Variants in RASA1 observed in about 807,000 individuals in gnomAD.
The protein encoded by RASA1 is RAS p21 protein activator 1.
Under a neutral mutation model 132.2 loss-of-function variants are expected in RASA1, and 25 were observed. The ratio of observed to expected loss-of-function variants is 0.19; its 90% CI spans 0.14 to 0.26. The LOEUF (loss-of-function observed/expected upper bound fraction) is 0.26, where lower values mean the gene tolerates loss of function less well. Among genes scored for constraint, RASA1 ranks in the 10% least tolerant of loss-of-function variants. RASA1 has a pLI of 1.00. For missense variants in RASA1, 964 were observed against 1,299.2 expected (o/e 0.74, Z 3.97); for synonymous variants, 477 against 449.9 (o/e 1.06, Z -0.76).
intron 8 of RASA1, among the ~76,000 whole-genome samples, chr5:87,351,559 G>C (rs1009097773): frequency 6.6e-6 from 1 of 151,684 alleles, no homozygotes; most frequent in Non-Finnish European, 1.5e-5. Flanking sequence ...AGTGTCTCTA[G>C]AAACTCACGT....
intron 6 of RASA1, among the ~76,000 whole-genome samples, chr5:87,341,756 G>A (rs181617144): frequency 6.6e-6 from 1 of 151,862 alleles, no homozygotes; most frequent in Admixed American, 6.6e-5. Flanking sequence ...CTGATTTTAT[G>A]TATATGTAAG....
chr5:87,376,758 A>C, intron 16 of RASA1, 123 bp from the exon 17 acceptor site: 1 of 1,222,520 alleles, frequency 8.2e-7, no homozygotes, highest in Non-Finnish European at 1.2e-6. Context: ...TTTTAAATAA[A>C]TTTATTCAAT....
intron 1 of RASA1, among the ~76,000 whole-genome samples, chr5:87,275,752 A>G (rs766966619): frequency 6.6e-5 from 10 of 151,856 alleles, no homozygotes; most frequent in Non-Finnish European, 1.3e-4. Flanking sequence ...TGTATTTTTC[A>G]TGGAGATGGG....
intron 18 of RASA1, 59 bp downstream of exon 18, chr5:87,378,597 A>G: frequency 6.8e-7 from 1 of 1,480,768 alleles, no homozygotes; most frequent in East Asian, 2.4e-5. Context: ...ATAGGTAATA[A>G]TTTGTAGCCA....
chr5:87,287,587 A>T (rs571534383), intron 1 of RASA1, among the ~76,000 whole-genome samples: 1 of 146,340 alleles, frequency 6.8e-6, no homozygotes, highest in East Asian at 1.9e-4. Context: ...CCATATATAT[A>T]CACCATACAT....
chr5:87,320,204 C>A (rs984484524), intron 1 of RASA1, among the ~76,000 whole-genome samples: 1 of 152,158 alleles, frequency 6.6e-6, no homozygotes, highest in Non-Finnish European at 1.5e-5. Flanking sequence ...AATTATTGAG[C>A]AAGTCTCTAG....
intron 6 of RASA1, among the ~76,000 whole-genome samples, chr5:87,342,253 G>A (rs1243148371): frequency 6.6e-6 from 1 of 150,928 alleles, no homozygotes; most frequent in Non-Finnish European, 1.5e-5. Flanking sequence ...CCTGCCTCCT[G>A]GATTCAAACG....
At chr5:87,297,972 C>A (rs1755195598) in intron 1 of RASA1, among the ~76,000 whole-genome samples, 1 of 152,110 alleles carries the variant, frequency 6.6e-6, no homozygotes, top group South Asian at 2.1e-4. Flanking sequence ...TATCTGCCTA[C>A]CTGTCTCTCA....
At chr5:87,377,123 T>C in intron 17 of RASA1, 83 bp downstream of exon 17, 4 of 1,478,516 alleles carry the variant, frequency 2.7e-6, no homozygotes, top group East Asian at 2.3e-5. Context: ...TCTCTGAATA[T>C]ACTAAATTGT....
At chr5:87,269,012 G>T (rs1256021073) in intron 1 of RASA1, 22 bp downstream of exon 1, 2 of 1,614,106 alleles carry the variant, frequency 1.2e-6, no homozygotes, top group African/African-American at 2.7e-5. Context: ...CTGCTGTTCA[G>T]GAATTTGGGA....
At chr5:87,291,942 T>C (rs568741424) in intron 1 of RASA1, among the ~76,000 whole-genome samples, 21 of 152,364 alleles carry the variant, frequency 1.4e-4, no homozygotes, top group African/African-American at 5.0e-4. Context: ...GAACATCTTT[T>C]CATGTGTTTA....
intron 1 of RASA1, among the ~76,000 whole-genome samples, chr5:87,328,263 A>G (rs1757375430): frequency 6.6e-6 from 1 of 152,170 alleles, no homozygotes; most frequent in Non-Finnish European, 1.5e-5. Context: ...GAGTATTCTC[A>G]TACCACCAGT....
At chr5:87,278,095 G>T (rs1368751421) in intron 1 of RASA1, among the ~76,000 whole-genome samples, 1 of 152,046 alleles carries the variant, frequency 6.6e-6, no homozygotes, top group East Asian at 1.9e-4. Flanking sequence ...AGTGTTTTTT[G>T]TAGGAATAAC....
At chr5:87,333,449 G>C in intron 4 of RASA1, 112 bp downstream of exon 4, 2 of 1,488,584 alleles carry the variant, frequency 1.3e-6, no homozygotes, top group Non-Finnish European at 1.8e-6. Flanking sequence ...ATACAGCAAG[G>C]TGAAAGAGCT....
chr5:87,347,457 T>C (rs1427707498), intron 7 of RASA1, among the ~76,000 whole-genome samples: 1 of 152,032 alleles, frequency 6.6e-6, no homozygotes, highest in Non-Finnish European at 1.5e-5. Flanking sequence ...CCACATCTTA[T>C]AAAGATTTCA....
At chr5:87,321,506 C>A (rs1419197061) in intron 1 of RASA1, among the ~76,000 whole-genome samples, 2 of 152,212 alleles carry the variant, frequency 1.3e-5, no homozygotes, top group African/African-American at 4.8e-5. Flanking sequence ...GTTTCCACAA[C>A]CCCCTCTTTG....
chr5:87,346,805 C>T (rs1758896307), intron 7 of RASA1, 81 bp downstream of exon 7: 17 of 1,120,700 alleles, frequency 1.5e-5, no homozygotes, highest in Non-Finnish European at 2.0e-5. Flanking sequence ...ATGTGTTTTG[C>T]CTTTAGCATT....
intron 1 of RASA1, among the ~76,000 whole-genome samples, chr5:87,275,558 T>G (rs1290366808): frequency 6.6e-6 from 1 of 151,852 alleles, no homozygotes; most frequent in African/African-American, 2.4e-5. Context: ...GTCTCTCCAC[T>G]TGAAGAAGGT....
chr5:87,317,875 A>T (rs1006855310), intron 1 of RASA1, among the ~76,000 whole-genome samples: 3 of 152,052 alleles, frequency 2.0e-5, no homozygotes, highest in Admixed American at 6.6e-5. Flanking sequence ...AGCTCAAGCA[A>T]TCCGCCCACC....
Sources: allele counts gnomAD v4.1 joint callset (sites outside exome capture counted in the v4.1 genomes callset), GRCh38; gene constraint gnomAD v4.1.1; transcripts MANE v1.5; gene names NCBI Gene and HGNC (gene_info 2026-07-23, HGNC 2026-07-21).